Variants in LOC400499 observed in about 807,000 individuals in gnomAD.
the LOC400499 span, among the ~76,000 whole-genome samples, chr16:11,498,360 T>C: frequency 6.6e-6 from 1 of 152,018 alleles, no homozygotes; most frequent in Non-Finnish European, 1.5e-5. Context: ...GTGTGCATCA[T>C]AATCCCAGCT....
chr16:11,430,038 C>T, the LOC400499 span, among the ~76,000 whole-genome samples: 2 of 152,194 alleles, frequency 1.3e-5, no homozygotes, highest in Admixed American at 1.3e-4. Flanking sequence ...ATGTCACCAA[C>T]GTTGGACAAA....
chr16:11,446,727 C>A, the LOC400499 span: 3 of 1,533,898 alleles, frequency 2.0e-6, no homozygotes, highest in South Asian at 3.6e-5. Context: ...CCCTTCCGGG[C>A]TATGCCCCAG....
At chr16:11,462,427 A>T in the LOC400499 span, 1 of 1,286,348 alleles carries the variant, frequency 7.8e-7, no homozygotes, top group African/African-American at 1.5e-5. Context: ...ACCGATCCTT[A>T]CCCAATTTTT....
the LOC400499 span, among the ~76,000 whole-genome samples, chr16:11,416,452 C>A: frequency 1.3e-5 from 2 of 152,192 alleles, no homozygotes; most frequent in Non-Finnish European, 2.9e-5. Context: ...CATTCCTCAT[C>A]TGCAGAATGG....
At chr16:11,427,024 A>C in the LOC400499 span, among the ~76,000 whole-genome samples, 7 of 151,714 alleles carry the variant, frequency 4.6e-5, no homozygotes, top group East Asian at 1.4e-3. Flanking sequence ...AATTCATGTG[A>C]CCTGTCTCAA....
the LOC400499 span, chr16:11,462,501 C>T: frequency 1.1e-6 from 1 of 904,118 alleles, no homozygotes; most frequent in African/African-American, 1.8e-5. Flanking sequence ...GGAATCCTGG[C>T]TCGCTGCAAC....
chr16:11,497,863 C>T, the LOC400499 span, among the ~76,000 whole-genome samples: 275 of 151,968 alleles, frequency 1.8e-3, 5 homozygotes, highest in Admixed American at 0.015. Flanking sequence ...GAGAAGAAAA[C>T]AATCTTAATG....
the LOC400499 span, among the ~76,000 whole-genome samples, chr16:11,470,211 C>T: frequency 4.6e-5 from 7 of 152,292 alleles, no homozygotes; most frequent in East Asian, 1.4e-3. Flanking sequence ...CGCCTGGCCT[C>T]TCCCATCCTT....
chr16:11,498,590 C>T, the LOC400499 span, among the ~76,000 whole-genome samples: 6 of 152,092 alleles, frequency 3.9e-5, no homozygotes, highest in Non-Finnish European at 8.8e-5. Context: ...CACTTCCCAC[C>T]CCCCTCCTCT....
the LOC400499 span, among the ~76,000 whole-genome samples, chr16:11,517,859 A>C: frequency 4.1e-4 from 62 of 152,316 alleles, no homozygotes; most frequent in African/African-American, 1.4e-3. Flanking sequence ...AGATGCTTCA[A>C]GATGAAAGGG....
chr16:11,399,952 G>C, the LOC400499 span: 1 of 397,304 alleles, frequency 2.5e-6, no homozygotes, highest in Non-Finnish European at 4.4e-6. Flanking sequence ...CCCTCCCCCA[G>C]ATATCCCTAG....
the LOC400499 span, chr16:11,519,068 T>C: frequency 2.5e-6 from 1 of 397,884 alleles, no homozygotes; most frequent in Non-Finnish European, 4.4e-6. Flanking sequence ...CCCTGCAGGA[T>C]ACATGAACCC....
the LOC400499 span, among the ~76,000 whole-genome samples, chr16:11,476,412 C>A: frequency 6.6e-6 from 1 of 152,172 alleles, no homozygotes; most frequent in Non-Finnish European, 1.5e-5. Context: ...TGCCCACGGT[C>A]CCTGTCAGAC....
the LOC400499 span, chr16:11,493,825 G>A: frequency 1.9e-5 from 6 of 314,828 alleles, no homozygotes; most frequent in East Asian, 2.2e-4. Flanking sequence ...AGGACCATGA[G>A]GGGCAGTGGC....
chr16:11,430,884 A>T, the LOC400499 span, among the ~76,000 whole-genome samples: 17 of 152,330 alleles, frequency 1.1e-4, no homozygotes, highest in South Asian at 3.3e-3. Context: ...TCACAAAGGG[A>T]AATCATCCAT....
At chr16:11,523,916 C>T in the LOC400499 span, among the ~76,000 whole-genome samples, 1 of 141,962 alleles carries the variant, frequency 7.0e-6, no homozygotes, top group African/African-American at 2.6e-5. Context: ...ACCCCCACCC[C>T]CACTCCTATC....
At chr16:11,495,840 G>C in the LOC400499 span, among the ~76,000 whole-genome samples, 1 of 152,166 alleles carries the variant, frequency 6.6e-6, no homozygotes, top group Non-Finnish European at 1.5e-5. Flanking sequence ...GCCTCAGGTA[G>C]CCCACAGCTA....
At chr16:11,503,434 C>G in the LOC400499 span, among the ~76,000 whole-genome samples, 1 of 152,144 alleles carries the variant, frequency 6.6e-6, no homozygotes. Flanking sequence ...AACCCAAAGC[C>G]ACAGAAACAG....
chr16:11,421,769 G>C, the LOC400499 span, among the ~76,000 whole-genome samples: 1 of 152,190 alleles, frequency 6.6e-6, no homozygotes, highest in African/African-American at 2.4e-5. Flanking sequence ...CTGGGGACCA[G>C]GGAGGAGGGG....
Sources: gnomAD v4.1 joint callset for allele counts (sites outside exome capture counted in the v4.1 genomes callset) on GRCh38, gnomAD v4.1.1 for gene constraint, MANE v1.5 for transcripts.